Variants in ESRRG observed in about 807,000 individuals in gnomAD.
ESRRG encodes the protein estrogen-related receptor gamma.
Under a neutral mutation model 44.0 loss-of-function variants are expected in ESRRG, and 13 were observed. The observed-to-expected ratio is 0.30, with a 90% CI of 0.19 to 0.47. The LOEUF is 0.47. ESRRG is among the 20% of genes least tolerant of loss of function. ESRRG has a pLI of 1.00. For synonymous variants in ESRRG, 215 were observed against 214.6 expected (o/e 1.00, Z -0.02); for missense variants, 395 against 580.6 (o/e 0.68, Z 3.29).
chr1:216,578,631 C>T (rs966160071), intron 3 of ESRRG, among the ~76,000 whole-genome samples: 15 of 152,078 alleles, frequency 9.9e-5, no homozygotes, highest in African/African-American at 3.6e-4. Flanking sequence ...GTTTCCATCC[C>T]CTTCTCAACC....
chr1:216,678,236 A>T (rs1253871405), intron 1 of ESRRG, among the ~76,000 whole-genome samples: 1 of 152,164 alleles, frequency 6.6e-6, no homozygotes, highest in Non-Finnish European at 1.5e-5. Flanking sequence ...AAACTTAGTG[A>T]CTCATCACCA....
chr1:216,652,013 T>C (rs576253359), intron 2 of ESRRG, among the ~76,000 whole-genome samples: 5 of 152,286 alleles, frequency 3.3e-5, no homozygotes, highest in African/African-American at 1.2e-4. Context: ...CAATCAGCTC[T>C]GTCACATAGT....
Position 216,703,659 on chromosome 1 carries a change from ATGTG to A in ESRRG, c.56+19581_56+19584del, listed in dbSNP as rs67638063. 3.9e-3 allele frequency among the ~76,000 whole-genome samples: 583 copies of A among 148,954 alleles called. 5 individuals are homozygous for A. The highest frequency in any genetic ancestry group is 0.01 in the Admixed American group (152 of 14,964). ...ATGGCATGTTTTCAAAGCTGGATAG[ATGTG>A]TGTGTGTGTGTGTGTGTGTGTATGT... On this transcript the variant is annotated intron_variant, in intron 1 of 6. Transcript: ENST00000408911.
chr1:216,964,840 G>C (rs2069916218), intron 1 of ESRRG, among the ~76,000 whole-genome samples: 1 of 151,990 alleles, frequency 6.6e-6, no homozygotes, highest in East Asian at 1.9e-4. Flanking sequence ...ATTTGATATA[G>C]AGCCTAAATT....
intron 1 of ESRRG, among the ~76,000 whole-genome samples, chr1:216,703,007 G>A (rs2081722450): frequency 6.6e-6 from 1 of 152,158 alleles, no homozygotes; most frequent in Non-Finnish European, 1.5e-5. Flanking sequence ...ACTGTGAGTT[G>A]TGGTGAATAC....
At chr1:216,639,490 A>G (rs1354968177) in intron 3 of ESRRG, among the ~76,000 whole-genome samples, 1 of 152,184 alleles carries the variant, frequency 6.6e-6, no homozygotes, top group Admixed American at 6.5e-5. Flanking sequence ...TATGGGGGCA[A>G]CATGCTGGCT....
chr1:216,980,469 A>T (rs762245719), intron 1 of ESRRG, among the ~76,000 whole-genome samples: 1 of 152,096 alleles, frequency 6.6e-6, no homozygotes, highest in Non-Finnish European at 1.5e-5. Flanking sequence ...TATTTTCCAG[A>T]TTTTCCAGAA....
intron 1 of ESRRG, among the ~76,000 whole-genome samples, chr1:217,135,372 G>A (rs2093033999): frequency 6.6e-6 from 1 of 152,190 alleles, no homozygotes; most frequent in Non-Finnish European, 1.5e-5. Flanking sequence ...GGAAGTTGAG[G>A]GTAGGGCCAA....
chr1:216,732,856 G>A (rs1351578962), intron 2 of ESRRG, among the ~76,000 whole-genome samples: 5 of 144,988 alleles, frequency 3.4e-5, no homozygotes, highest in African/African-American at 7.6e-5. Flanking sequence ...AAAAGGGGGG[G>A]GAGGAGGGGG....
chr1:216,667,388 G>C (rs2074161041), intron 2 of ESRRG, among the ~76,000 whole-genome samples: 1 of 152,010 alleles, frequency 6.6e-6, no homozygotes, highest in Admixed American at 6.6e-5. Flanking sequence ...AAAATATAAA[G>C]ATAGAACTAA....
intron 2 of ESRRG, among the ~76,000 whole-genome samples, chr1:216,792,761 T>A (rs936808702): frequency 6.6e-6 from 1 of 152,192 alleles, no homozygotes; most frequent in Non-Finnish European, 1.5e-5. Flanking sequence ...CAACAAACTC[T>A]GCATGAAATG....
At chr1:216,846,484 T>A (rs776743541) in intron 2 of ESRRG, among the ~76,000 whole-genome samples, 2 of 152,132 alleles carry the variant, frequency 1.3e-5, no homozygotes, top group Admixed American at 1.3e-4. Context: ...TGTAGTTAGA[T>A]ACAATGAGTA....
chr1:216,623,781 T>G (rs539487744), intron 3 of ESRRG, among the ~76,000 whole-genome samples: 10 of 152,268 alleles, frequency 6.6e-5, no homozygotes, highest in African/African-American at 1.9e-4. Flanking sequence ...TTGCTAGAGT[T>G]GTATACAGGC....
chr1:216,519,075 T>C, intron 6 of ESRRG, 77 bp downstream of exon 6: 1 of 1,316,848 alleles, frequency 7.6e-7, no homozygotes, highest in East Asian at 2.3e-5. Flanking sequence ...GTCTAGCAAA[T>C]CCCTAAAGAA....
In ESRRG at chr1:216,910,979, T is replaced by C. The variant is rs575985742; in HGVS notation, c.-14+28603A>G. On this transcript the variant is annotated intron_variant, in intron 2 of 7. Transcript: ENST00000359162. The stretch of plus-strand genomic sequence containing the variant: ...TACATCTGTTACTTTAGTTTATTAG[T>C]AGTAATCATTTATTGAATAATTTTT... Among the ~76,000 whole-genome samples, 8 of 152,348 alleles carry C rather than the reference T, an allele frequency of 5.3e-5. No homozygotes were observed. In the South Asian group the frequency reaches 1.5e-3, roughly 28 times the overall value.
chr1:216,949,799 A>G (rs1053763334), intron 1 of ESRRG, among the ~76,000 whole-genome samples: 1 of 151,528 alleles, frequency 6.6e-6, no homozygotes, highest in Admixed American at 6.6e-5. Context: ...AGGGGAAAGA[A>G]CTGACTTTTT....
chr1:216,832,331 G>A (rs1378291329), intron 2 of ESRRG, among the ~76,000 whole-genome samples: 1 of 152,174 alleles, frequency 6.6e-6, no homozygotes, highest in Non-Finnish European at 1.5e-5. Flanking sequence ...GACTGACGCT[G>A]CTAAGCTGAA....
At chr1:216,788,156 G>T (rs2094195117) in intron 2 of ESRRG, among the ~76,000 whole-genome samples, 1 of 152,118 alleles carries the variant, frequency 6.6e-6, no homozygotes, top group African/African-American at 2.4e-5. Flanking sequence ...ATTTATGAAG[G>T]TGGCTTTAAA....
At chr1:216,761,941 C>T (rs1414625020) in intron 2 of ESRRG, among the ~76,000 whole-genome samples, 1 of 152,118 alleles carries the variant, frequency 6.6e-6, no homozygotes, top group African/African-American at 2.4e-5. Context: ...CTCTCAAGTA[C>T]TACGATAATG....
Sources: allele counts gnomAD v4.1 joint callset (sites outside exome capture counted in the v4.1 genomes callset), GRCh38; gene constraint gnomAD v4.1.1; transcripts MANE v1.5; gene names NCBI Gene and HGNC (gene_info 2026-07-23, HGNC 2026-07-21).